EIF2AK4: variants seen among roughly 807,000 people sequenced by gnomAD.
EIF2AK4 encodes the protein eIF-2-alpha kinase GCN2.
Under a neutral mutation model 211.1 loss-of-function variants are expected in EIF2AK4, and 139 were observed. The observed-to-expected ratio is 0.66, with a 90% CI of 0.57 to 0.76. EIF2AK4 has a LOEUF of 0.76. EIF2AK4 is among the 30% of genes least tolerant of loss of function. The probability of loss-of-function intolerance (pLI) is 0.00; values close to 1 mark genes in which losing one functional copy is unlikely to be tolerated. For missense variants in EIF2AK4, 1,664 were observed against 2,043.8 expected, an observed-to-expected ratio of 0.81 and a Z score of 3.58; for synonymous variants, 710 against 751.3, an observed-to-expected ratio of 0.94 and a Z score of 0.90.
At chr15:39,941,057 A>T (rs535866560) in intron 2 of EIF2AK4, among the ~76,000 whole-genome samples, 1 of 152,320 alleles carries the variant, frequency 6.6e-6, no homozygotes, top group African/African-American at 2.4e-5. Flanking sequence ...GGGAAGAGGC[A>T]CAGAGCTCCC....
chr15:39,978,837 A>C (rs2140920306), intron 13 of EIF2AK4, among the ~76,000 whole-genome samples: 3 of 152,304 alleles, frequency 2.0e-5, no homozygotes, highest in Middle Eastern at 6.8e-3. Context: ...ACGAGTACAG[A>C]TACTATAAAA....
intron 8 of EIF2AK4, 110 bp downstream of exon 8, chr15:39,965,953 G>A: frequency 7.2e-7 from 1 of 1,397,834 alleles, no homozygotes; most frequent in Non-Finnish European, 9.5e-7. Context: ...GTCCAGAGCA[G>A]TATGAGAACT....
chr15:40,007,941 T>A (rs1205736773), intron 24 of EIF2AK4, 86 bp from the exon 25 acceptor site: 1 of 1,088,394 alleles, frequency 9.2e-7, no homozygotes, highest in Admixed American at 2.9e-5. Context: ...TTTTCATATT[T>A]GTTTCTTATA....
chr15:40,011,218 A>G, intron 26 of EIF2AK4, 63 bp from the exon 27 acceptor site: 1 of 1,379,348 alleles, frequency 7.2e-7, no homozygotes, highest in Non-Finnish European at 1.0e-6. Context: ...TTCGCCTGGA[A>G]ATTGTGTCTT....
chr15:39,976,501 G>A lies in EIF2AK4; in HGVS notation c.1906G>A (p.Glu636Lys). Residue 636 changes from glutamate to lysine, a missense_variant, in exon 12 of 39, where the codon GAA (glutamate) becomes AAA (lysine). By Grantham distance (56) the Glu-to-Lys change is moderately conservative. Around this residue, in one of 7 missense-constraint regions of EIF2AK4, gnomAD observed 37 missense variants for 84.0 expected, o/e 0.44. Transcript: ENST00000263791. ...ASRQFRRIKGEVTLLSRLHHE... is the reference protein window; with the variant it reads ...ASRQFRRIKGKVTLLSRLHHE... Reference sequence around the variant, plus strand: ...CCGGCAGTTCCGCAGGATCAAGGGCGAAGTGACACTGCTGTCACGGCTGCA... The same window carrying A: ...CCGGCAGTTCCGCAGGATCAAGGGCAAAGTGACACTGCTGTCACGGCTGCA... The A allele has an allele frequency of 6.2e-7, 1 of 1,612,382 alleles. No individual in the cohort carries two copies.
At chr15:40,005,093 T>C (rs35707718) in intron 23 of EIF2AK4, among the ~76,000 whole-genome samples, 1 of 152,102 alleles carries the variant, frequency 6.6e-6, no homozygotes, top group Non-Finnish European at 1.5e-5. Context: ...ATATTATAAG[T>C]AATCTAAAGA....
chr15:39,936,944 T>A (rs890655319), intron 1 of EIF2AK4, among the ~76,000 whole-genome samples: 1 of 151,706 alleles, frequency 6.6e-6, no homozygotes, highest in African/African-American at 2.4e-5. Flanking sequence ...TCAGGTTAGA[T>A]TTTTTTTTCA....
chr15:39,966,024 A>G (rs1046645946), intron 8 of EIF2AK4, among the ~76,000 whole-genome samples, 181 bp downstream of exon 8: 1 of 152,178 alleles, frequency 6.6e-6, no homozygotes, highest in Non-Finnish European at 1.5e-5. Context: ...CTGGTTTCAG[A>G]ACTTTCACAA....
intron 9 of EIF2AK4, among the ~76,000 whole-genome samples, chr15:39,972,548 C>T (rs895660518): frequency 2.6e-5 from 4 of 152,080 alleles, no homozygotes; most frequent in African/African-American, 7.2e-5. Flanking sequence ...TATTTATAAC[C>T]GGTTCCTGCA....
At chr15:39,963,332 T>G (rs2034498858) in intron 7 of EIF2AK4, among the ~76,000 whole-genome samples, 3 of 152,192 alleles carry the variant, frequency 2.0e-5, no homozygotes, top group Admixed American at 6.5e-5. Flanking sequence ...GAAGGCAAAT[T>G]AATTCAATTC....
intron 9 of EIF2AK4, among the ~76,000 whole-genome samples, chr15:39,968,748 C>T (rs2034579033): frequency 2.0e-5 from 3 of 152,116 alleles, no homozygotes; most frequent in Non-Finnish European, 2.9e-5. Context: ...TTTCCCTATT[C>T]CACCTATCGC....
At chr15:40,034,979 C>A in intron 38 of EIF2AK4, 48 bp from the exon 39 acceptor site, 1 of 1,436,172 alleles carries the variant, frequency 7.0e-7, no homozygotes. Flanking sequence ...CTCTGTTCTT[C>A]ACTCATTAAA....
chr15:40,008,036 A>G lies in EIF2AK4; in HGVS notation c.3417A>G (p.Ile1139Met), dbSNP rs754110383. 6.9e-6 allele frequency: 11 copies of G among 1,595,324 alleles called. No homozygotes were observed. In the South Asian group the frequency reaches 1.1e-4, roughly 17 times the overall value. Reference sequence around the variant, plus strand: ...GGGTTTCTCTCTCCAGATACTGCATAGAACGTGTGTTCAGGCCGCGCAAGT... The same window carrying G: ...GGGTTTCTCTCTCCAGATACTGCATGGAACGTGTGTTCAGGCCGCGCAAGT... ...NNILNLKRYC[I>M]ERVFRPRKLD... Residue 1139 changes from isoleucine to methionine, a missense_variant, in exon 25 of 39, where the codon ATA becomes ATG. By Grantham distance (10) the Ile-to-Met change is conservative. Around this residue, in one of 7 missense-constraint regions of EIF2AK4, gnomAD observed 622 missense variants for 796.8 expected, o/e 0.78. Coordinates refer to ENST00000263791, the MANE Select transcript of EIF2AK4 (RefSeq NM_001013703.4).
intron 33 of EIF2AK4, among the ~76,000 whole-genome samples, chr15:40,028,926 C>T (rs942787938): frequency 1.3e-5 from 2 of 152,240 alleles, no homozygotes; most frequent in African/African-American, 4.8e-5. Context: ...TTGTCTCTCT[C>T]AAAGGCTATA....
chr15:39,942,236 C>T (rs1385986429), intron 2 of EIF2AK4, among the ~76,000 whole-genome samples: 1 of 152,134 alleles, frequency 6.6e-6, no homozygotes, highest in African/African-American at 2.4e-5. Context: ...GAGAGAGACT[C>T]CCGGGTTAGA....
chr15:40,017,035 C>A, intron 28 of EIF2AK4, 73 bp from the exon 29 acceptor site: 1 of 1,564,314 alleles, frequency 6.4e-7, no homozygotes, highest in Non-Finnish European at 8.8e-7. Context: ...ATGGGAAACA[C>A]CATTTTCAGC....
chr15:40,002,564 A>G, intron 21 of EIF2AK4, 149 bp from the exon 22 acceptor site: 1 of 742,578 alleles, frequency 1.3e-6, no homozygotes, highest in Non-Finnish European at 2.3e-6. Flanking sequence ...CTCTTCCCTG[A>G]TGTGTTCAAA....
intron 17 of EIF2AK4, 189 bp from the exon 18 acceptor site, chr15:39,992,580 A>G (rs1306464662): frequency 3.3e-6 from 2 of 606,226 alleles, no homozygotes; most frequent in Non-Finnish European, 5.9e-6. Flanking sequence ...ATCCTTGTGT[A>G]GAACCGAATG....
chr15:40,012,662 CT>C (rs10583333), intron 27 of EIF2AK4, among the ~76,000 whole-genome samples: 261 of 144,548 alleles, frequency 1.8e-3, no homozygotes, highest in Middle Eastern at 3.7e-3. Context: ...TTCAGAACAT[CT>C]TTTTTTTTTT....
Sources: gnomAD v4.1 joint callset for allele counts (sites outside exome capture counted in the v4.1 genomes callset) on GRCh38, gnomAD v4.1.1 for gene constraint, gnomAD v4.1.1 regional missense constraint, MANE v1.5 for transcripts, NCBI Gene and HGNC (gene_info 2026-07-23, HGNC 2026-07-21) for gene names.